The following CYP4B1 variants were observed in gnomAD, a reference collection of about 807,000 sequenced individuals.
The protein encoded by CYP4B1 is cytochrome P450 family 4 subfamily B member 1.
In CYP4B1, 45 loss-of-function variants were observed where a neutral mutation model predicts 54.0. The observed-to-expected ratio is 0.83, with a 90% CI of 0.66 to 1.07. CYP4B1 has a LOEUF of 1.07. CYP4B1 is among the 50% of genes least tolerant of loss of function. CYP4B1 has a pLI of 0.00. For synonymous variants in CYP4B1, 248 were observed against 247.5 expected (o/e 1.00, Z -0.02); for missense variants, 656 against 655.4 (o/e 1.00, Z -0.01).
At position 46,813,909 on chromosome 1, in the gene CYP4B1, C is replaced by G. The variant is rs188313819; in HGVS notation, c.621C>G (p.Ser207Arg). 3 of 1,613,916 alleles carry G rather than the reference C, an allele frequency of 1.9e-6. No homozygotes were observed. The highest frequency in any genetic ancestry group is 1.3e-5 in the African/African-American group (1 of 74,914). The change falls in exon 6 of 12, where the codon AGC (serine) becomes AGG (arginine). Residue 207 changes from serine to arginine, a missense_variant and splice_region_variant. Coordinates refer to ENST00000371923, the MANE Select transcript of CYP4B1 (RefSeq NM_001099772.2). ...ATCCCTCCTCCTACCCTCTGCTTAG[C>G]AGGGACAGCAGCTACTACCTTGCAG... ...FGRGDTGLGHSRDSSYYLAVS... is the reference protein window; with the variant it reads ...FGRGDTGLGHRRDSSYYLAVS...
intron 3 of CYP4B1, 93 bp from the exon 4 acceptor site, chr1:46,812,403 C>A: frequency 6.9e-7 from 1 of 1,458,550 alleles, no homozygotes; most frequent in Non-Finnish European, 9.3e-7. Context: ...TTGGAGGGTT[C>A]CAGGCTCAGG....
Position 46,817,085 on chromosome 1 carries a change from A to C in CYP4B1, c.1111A>C (p.Ile371Leu). 4 of 1,614,160 alleles carry C rather than the reference A, an allele frequency of 2.5e-6. No homozygotes were observed. The highest frequency in any genetic ancestry group is 3.4e-6 in the Non-Finnish European group (4 of 1,180,024). The change falls in exon 9 of 12, where the codon ATC becomes CTC. Residue 371 changes from isoleucine to leucine, a missense_variant. Transcript: ENST00000371923. ...CAAAATGACTTATCTGACCATGTGC[A>C]TCAAGGAGAGCTTCCGCCTCTACCC... ...LGKMTYLTMC[I>L]KESFRLYPPV...
At chr1:46,800,078 G>A (rs1464579851) in intron 1 of CYP4B1, among the ~76,000 whole-genome samples, 1 of 152,156 alleles carries the variant, frequency 6.6e-6, no homozygotes, top group Non-Finnish European at 1.5e-5. Context: ...TCTGCAGCCA[G>A]CTTGGGGAAT....
Position 46,807,119 on chromosome 1 carries a change from T to C in CYP4B1, c.181-3689T>C, listed in dbSNP as rs45595838. On this transcript the variant is annotated intron_variant, in intron 1 of 11. Transcript: ENST00000371923. Reference sequence around the variant, plus strand: ...ATCGCTTGGGCTCATGCACATGTTTTTTATTTATCTTAGTTTTCTTTATTT... The same window carrying C: ...ATCGCTTGGGCTCATGCACATGTTTCTTATTTATCTTAGTTTTCTTTATTT... Among the ~76,000 whole-genome samples the C allele has an allele frequency of 3.3e-3, 496 of 152,354 alleles. 2 individuals carry two copies. Among genetic ancestry groups the C allele is most frequent in the African/African-American group, 0.012 (486 of 41,576 alleles).
chr1:46,815,428 T>C, intron 8 of CYP4B1, 164 bp downstream of exon 8: 4 of 553,792 alleles, frequency 7.2e-6, no homozygotes, highest in Non-Finnish European at 1.2e-5. Context: ...AGTGGTTGGC[T>C]GGGCACAGAT....
chr1:46,801,192 A>G (rs115502108), intron 1 of CYP4B1, among the ~76,000 whole-genome samples: 4 of 152,304 alleles, frequency 2.6e-5, no homozygotes, highest in African/African-American at 9.6e-5. Context: ...GAAGAAAAGC[A>G]AAGGGACCAG....
chr1:46,814,093 G>C, intron 6 of CYP4B1, 30 bp downstream of exon 6: 1 of 1,612,906 alleles, frequency 6.2e-7, no homozygotes, highest in Admixed American at 1.7e-5. Context: ...CTCACCTCTA[G>C]GAAGCCTGGG....
At chr1:46,803,515 A>G (rs1474316858) in intron 1 of CYP4B1, among the ~76,000 whole-genome samples, 1 of 152,220 alleles carries the variant, frequency 6.6e-6, no homozygotes, top group Non-Finnish European at 1.5e-5. Flanking sequence ...AGCGAAAGTC[A>G]TCAAAGGAGA....
chr1:46,808,129 A>AAGAG (rs140666775), intron 1 of CYP4B1, among the ~76,000 whole-genome samples: 5 of 149,260 alleles, frequency 3.3e-5, no homozygotes, highest in East Asian at 3.9e-4. Flanking sequence ...GGAAAGGAGA[A>AAGAG]AGAGAGAGAG....
intron 1 of CYP4B1, among the ~76,000 whole-genome samples, chr1:46,800,240 TCCTTCCTTCC>T (rs1678582947): frequency 9.2e-5 from 2 of 21,712 alleles, no homozygotes; most frequent in African/African-American, 2.0e-4. Context: ...TTTCTTTCTT[TCCTTCCTTCC>T]TTCCTTCCTT....
At chr1:46,807,596 G>T (rs898380151) in intron 1 of CYP4B1, among the ~76,000 whole-genome samples, 2 of 152,236 alleles carry the variant, frequency 1.3e-5, no homozygotes, top group African/African-American at 4.8e-5. Context: ...CCTTGCCTGT[G>T]GGTGGAGATG....
chr1:46,814,206 C>G lies in CYP4B1; in HGVS notation c.776-3C>G. On this transcript the variant is annotated splice_polypyrimidine_tract_variant and splice_region_variant and intron_variant, in intron 6 of 11. Coordinates refer to ENST00000371923, the MANE Select transcript of CYP4B1 (RefSeq NM_001099772.2). ...GCAGTGACACTCTGTGCTTTTGGTT[C>G]AGACCAGGTCATCAGGGAGCGGAAG... The G allele has an allele frequency of 3.1e-6, 5 of 1,614,020 alleles. No homozygotes were observed. The highest frequency in any genetic ancestry group is 4.2e-6 in the Non-Finnish European group (5 of 1,179,952).
intron 3 of CYP4B1, among the ~76,000 whole-genome samples, chr1:46,811,535 G>T (rs987730452): frequency 2.0e-5 from 3 of 152,168 alleles, no homozygotes; most frequent in Non-Finnish European, 4.4e-5. Flanking sequence ...ATGGTGTGGT[G>T]GTAGGACCAC....
At chr1:46,810,719 C>A (rs1185002313) in intron 1 of CYP4B1, 89 bp from the exon 2 acceptor site, 2 of 1,450,434 alleles carry the variant, frequency 1.4e-6, no homozygotes, top group East Asian at 4.5e-5. Flanking sequence ...CCTGCCTGGG[C>A]AGCCTTCTCC....
At chr1:46,815,899 G>A (rs1156567326) in intron 8 of CYP4B1, among the ~76,000 whole-genome samples, 1 of 152,126 alleles carries the variant, frequency 6.6e-6, no homozygotes, top group South Asian at 2.1e-4. Context: ...TCAGGCCTTT[G>A]CTTGTGGTCA....
intron 10 of CYP4B1, 36 bp downstream of exon 10, chr1:46,818,065 G>C (rs753868251): frequency 4.3e-6 from 7 of 1,613,262 alleles, no homozygotes; most frequent in African/African-American, 1.3e-5. Flanking sequence ...CAGACAGGGT[G>C]GGGGACTGGG....
intron 4 of CYP4B1, among the ~76,000 whole-genome samples, chr1:46,813,167 A>G (rs4646485): frequency 0.5 from 76,557 of 152,062 alleles, 21,844 homozygotes; most frequent in African/African-American, 0.79. Flanking sequence ...CATATACACC[A>G]TGCGGGGGAG....
chr1:46,807,837 T>G (rs983147085), intron 1 of CYP4B1, among the ~76,000 whole-genome samples: 1 of 152,176 alleles, frequency 6.6e-6, no homozygotes, highest in South Asian at 2.1e-4. Context: ...CCCTTGGAGA[T>G]AGTGGCTTGG....
chr1:46,806,177 A>G (rs928967957), intron 1 of CYP4B1, among the ~76,000 whole-genome samples: 4 of 152,200 alleles, frequency 2.6e-5, no homozygotes, highest in African/African-American at 9.7e-5. Context: ...TACTGGGTGA[A>G]GGTGCTGGGC....
Sources: allele counts gnomAD v4.1 joint callset (sites outside exome capture counted in the v4.1 genomes callset), GRCh38; gene constraint gnomAD v4.1.1; transcripts MANE v1.5; gene names NCBI Gene and HGNC (gene_info 2026-07-23, HGNC 2026-07-21).